UBE2E2: variants seen among roughly 807,000 people sequenced by gnomAD.
UBE2E2 encodes the protein ubiquitin-conjugating enzyme E2 E2.
Under a neutral mutation model 24.7 loss-of-function variants are expected in UBE2E2, and 6 were observed. That is an observed-to-expected ratio of 0.24 (90% CI 0.13 to 0.48). The LOEUF is 0.48. Ranked by LOEUF, UBE2E2 falls within the 20% of genes least tolerant of loss-of-function variation. UBE2E2 has a pLI of 0.99. For synonymous variants in UBE2E2, 104 were observed against 83.6 expected (o/e 1.24, Z -1.33); for missense variants, 169 against 245.0 (o/e 0.69, Z 2.07).
intron 3 of UBE2E2, among the ~76,000 whole-genome samples, chr3:23,254,799 G>T (rs182795823): frequency 1.1e-3 from 169 of 152,210 alleles, no homozygotes; most frequent in African/African-American, 4.0e-3. Flanking sequence ...AAGAGAGAAT[G>T]GATGTGAGGG....
chr3:23,240,185 C>T (rs1422565873), intron 3 of UBE2E2, among the ~76,000 whole-genome samples: 2 of 152,202 alleles, frequency 1.3e-5, no homozygotes, highest in Non-Finnish European at 2.9e-5. Context: ...CTGGTAACTA[C>T]GCTTTCTCAT....
intron 5 of UBE2E2, among the ~76,000 whole-genome samples, chr3:23,534,768 A>T (rs1695211746): frequency 6.6e-6 from 1 of 152,160 alleles, no homozygotes; most frequent in African/African-American, 2.4e-5. Context: ...ATTGAAGTTT[A>T]TCTTAAATCT....
At chr3:23,354,362 G>C (rs1043762849) in intron 3 of UBE2E2, among the ~76,000 whole-genome samples, 2 of 152,102 alleles carry the variant, frequency 1.3e-5, no homozygotes, top group Non-Finnish European at 2.9e-5. Flanking sequence ...AAAAGCAATG[G>C]CAACAAAAGC....
chr3:23,281,440 G>A (rs1159293840), intron 3 of UBE2E2, among the ~76,000 whole-genome samples: 1 of 152,162 alleles, frequency 6.6e-6, no homozygotes, highest in Non-Finnish European at 1.5e-5. Context: ...AGACCAGCCT[G>A]GGCAGCAAAG....
At chr3:23,486,836 G>A (rs369478149) in intron 3 of UBE2E2, among the ~76,000 whole-genome samples, 4 of 152,152 alleles carry the variant, frequency 2.6e-5, no homozygotes, top group African/African-American at 9.7e-5. Flanking sequence ...AGCACCATTC[G>A]ACTGGCTAAA....
intron 3 of UBE2E2, among the ~76,000 whole-genome samples, chr3:23,356,478 C>G (rs1695956046): frequency 6.6e-6 from 1 of 152,206 alleles, no homozygotes; most frequent in African/African-American, 2.4e-5. Flanking sequence ...CATTCTGACA[C>G]TAACTGCAGA....
intron 3 of UBE2E2, among the ~76,000 whole-genome samples, chr3:23,343,746 C>T (rs1329312359): frequency 6.6e-6 from 1 of 152,204 alleles, no homozygotes; most frequent in East Asian, 1.9e-4. Flanking sequence ...CACTTAGCCA[C>T]TGTCTGGACT....
intron 3 of UBE2E2, among the ~76,000 whole-genome samples, chr3:23,299,700 C>A (rs1234807496): frequency 6.6e-6 from 1 of 152,154 alleles, no homozygotes; most frequent in Non-Finnish European, 1.5e-5. Flanking sequence ...TGCTTTACTT[C>A]CACCTATGTG....
In UBE2E2 at chr3:23,586,721, CGTT is replaced by C. The variant is rs1696635273; in HGVS notation, c.509-3009_509-3007del. Among the ~76,000 whole-genome samples, 3 of 152,184 alleles carry C rather than the reference CGTT, an allele frequency of 2.0e-5. No homozygotes were observed. In the South Asian group the frequency reaches 6.2e-4, roughly 32 times the overall value. ...GCATGCATGGTAATGGTCCTCACAT[CGTT>C]GTTTTTAAAACAAAAGTTGGAGAGT... On this transcript the variant is annotated intron_variant, in intron 5 of 5. Transcript: ENST00000396703.
intron 3 of UBE2E2, among the ~76,000 whole-genome samples, chr3:23,266,263 A>G (rs994307717): frequency 3.9e-5 from 6 of 152,170 alleles, no homozygotes; most frequent in South Asian, 2.1e-4. Flanking sequence ...ACAATTTGGC[A>G]TGATTTTGCA....
intron 3 of UBE2E2, among the ~76,000 whole-genome samples, chr3:23,435,982 A>C (rs1698171418): frequency 6.6e-6 from 1 of 152,130 alleles, no homozygotes; most frequent in African/African-American, 2.4e-5. Context: ...TAAGGAGCGC[A>C]CAGTCTAGAT....
At chr3:23,471,839 G>A (rs1395617235) in intron 3 of UBE2E2, among the ~76,000 whole-genome samples, 2 of 151,860 alleles carry the variant, frequency 1.3e-5, no homozygotes, top group Non-Finnish European at 2.9e-5. Flanking sequence ...ACCACATTTT[G>A]TAAAATCACT....
chr3:23,254,993 A>G (rs1377991720), intron 3 of UBE2E2, among the ~76,000 whole-genome samples: 3 of 151,970 alleles, frequency 2.0e-5, no homozygotes, highest in Admixed American at 1.3e-4. Flanking sequence ...CCAGTGCTGC[A>G]TAAGTGGTTT....
intron 5 of UBE2E2, among the ~76,000 whole-genome samples, chr3:23,537,355 T>C (rs1003077968): frequency 5.4e-4 from 82 of 152,214 alleles, no homozygotes; most frequent in African/African-American, 1.8e-3. Context: ...ACACTCAGGA[T>C]GGATGAGCTG....
chr3:23,573,782 GA>G (rs1696279275), intron 5 of UBE2E2, among the ~76,000 whole-genome samples: 1 of 152,120 alleles, frequency 6.6e-6, no homozygotes, highest in African/African-American at 2.4e-5. Context: ...TAAAAGCGTG[GA>G]TTTTGTGGGC....
At chr3:23,520,534 G>A (rs1694840082) in intron 4 of UBE2E2, among the ~76,000 whole-genome samples, 1 of 152,158 alleles carries the variant, frequency 6.6e-6, no homozygotes, top group South Asian at 2.1e-4. Flanking sequence ...TTCAAAGAAT[G>A]TCTCTTTTGT....
chr3:23,383,157 G>T (rs2125353116), intron 3 of UBE2E2, among the ~76,000 whole-genome samples: 1 of 152,288 alleles, frequency 6.6e-6, no homozygotes, highest in South Asian at 2.1e-4. Flanking sequence ...ATTGGATGTT[G>T]TTGTAGGGGT....
At chr3:23,251,000 G>A (rs1183843590) in intron 3 of UBE2E2, among the ~76,000 whole-genome samples, 5 of 152,200 alleles carry the variant, frequency 3.3e-5, no homozygotes, top group Middle Eastern at 3.4e-3. Flanking sequence ...TGGGACTACA[G>A]GTGCATGCCA....
chr3:23,226,346 G>A (rs7622784), intron 3 of UBE2E2, among the ~76,000 whole-genome samples: 94,775 of 152,028 alleles, frequency 0.62, 29,950 homozygotes, highest in African/African-American at 0.68. Context: ...TCTAATTATT[G>A]TCACTAATTA....
Sources: allele counts gnomAD v4.1 joint callset (sites outside exome capture counted in the v4.1 genomes callset), GRCh38; gene constraint gnomAD v4.1.1; transcripts MANE v1.5; gene names NCBI Gene and HGNC (gene_info 2026-07-23, HGNC 2026-07-21).